Variants in KIF3A observed in about 807,000 individuals in gnomAD.
KIF3A encodes kinesin-like protein KIF3A.
In KIF3A, 27 loss-of-function variants were observed where a neutral mutation model predicts 92.6. That is an observed-to-expected ratio of 0.29 (90% CI 0.21 to 0.40). The LOEUF (loss-of-function observed/expected upper bound fraction) is 0.40. KIF3A is among the 10% of genes least tolerant of loss of function. The probability of loss-of-function intolerance (pLI) is 1.00; values close to 1 mark genes in which losing one functional copy is unlikely to be tolerated. For missense variants in KIF3A, 581 were observed against 872.6 expected (o/e 0.67, Z 4.21); for synonymous variants, 250 against 275.4 (o/e 0.91, Z 0.92).
chr5:132,723,214 G>C (rs1484631672), intron 4 of KIF3A: 2 of 152,096 alleles, frequency 1.3e-5, no homozygotes, highest in Admixed American at 1.3e-4. Flanking sequence ...CGTGAAAATG[G>C]CCATACTGCC....
rs146302518 is a variant in KIF3A, at chr5:132,722,770, T to A, written c.511-2056A>T. Among the ~76,000 whole-genome samples, 598 of 152,310 alleles carry A rather than the reference T, an allele frequency of 3.9e-3. 5 individuals carry two copies. The highest frequency in any genetic ancestry group is 0.013 in the African/African-American group (524 of 41,574). On this transcript the variant is annotated intron_variant, in intron 4 of 18. Coordinates refer to ENST00000403231, the MANE Select transcript of KIF3A (RefSeq NM_001300791.2). ...AACTCTACCAAGAGCTAGTCACTAT[T>A]GTAAAAGACCATGTCATTGGCAATA... is the stretch of plus-strand genomic sequence containing the variant.
intron 6 of KIF3A, 89 bp from the exon 7 acceptor site, chr5:132,716,531 G>T: frequency 9.2e-7 from 1 of 1,089,676 alleles, no homozygotes; most frequent in Non-Finnish European, 1.3e-6. Flanking sequence ...TAATGTAACA[G>T]TAAAAAACCT....
chr5:132,701,502 C>CAAAA (rs5871462), intron 15 of KIF3A, among the ~76,000 whole-genome samples: 27 of 101,074 alleles, frequency 2.7e-4, no homozygotes, highest in East Asian at 2.5e-4. Context: ...GTCTCCCTGA[C>CAAAA]AAAAAAAAAA....
At position 132,710,023 on chromosome 5, in the gene KIF3A, AT is replaced by A. The variant is rs779535309; in HGVS notation, c.1228+935del. Reference sequence around the variant, plus strand: ...GCACCAGCTTGAAAACAATGACCACATTAATGGAAGAGAGTTCTGAAATAAA... The same window carrying A: ...GCACCAGCTTGAAAACAATGACCACATAATGGAAGAGAGTTCTGAAATAAA... On this transcript the variant is annotated intron_variant, in intron 9 of 18. Coordinates refer to ENST00000403231, the MANE Select transcript of KIF3A (RefSeq NM_001300791.2). Among the ~76,000 whole-genome samples, 129 of 152,202 alleles carry A rather than the reference AT, an allele frequency of 8.5e-4. 1 individual carries two copies. The highest frequency in any genetic ancestry group is 1.3e-3 in the Non-Finnish European group (86 of 68,032).
chr5:132,720,101 C>T (rs113664659), intron 5 of KIF3A, among the ~76,000 whole-genome samples: 1 of 152,070 alleles, frequency 6.6e-6, no homozygotes, highest in East Asian at 1.9e-4. Context: ...TTCAGCCTCC[C>T]GAGTTGCTGG....
At chr5:132,692,590 C>A (rs780293236), downstream of KIF3A, 1 of 152,308 alleles carries the variant, frequency 6.6e-6, no homozygotes, top group Admixed American at 6.5e-5. Context: ...GAAGTAACCA[C>A]AAAGATAGTT....
rs925630163 is a variant in KIF3A at position 132,699,820 on chromosome 5, C to G, written c.2007+396G>C. Among the ~76,000 whole-genome samples the G allele has an allele frequency of 5.3e-5, 8 of 152,106 alleles. No individual in the cohort carries two copies. The East Asian group carries it at 1.5e-3, about 29-fold the overall frequency. ...CTCGTGATCCACCCGCCTCGGCCTC[C>G]CAAAGTGCTGGGATTACAGGCGTGA... On this transcript the variant is annotated intron_variant, in intron 17 of 18. Transcript: ENST00000403231.
At chr5:132,725,475 TTAAG>T (rs1195735247) in intron 4 of KIF3A, among the ~76,000 whole-genome samples, 8 of 152,144 alleles carry the variant, frequency 5.3e-5, no homozygotes, top group Non-Finnish European at 1.2e-4. Flanking sequence ...CTCACAGAGA[TTAAG>T]TAACTTGCTC....
intron 9 of KIF3A, 112 bp from the exon 10 acceptor site, chr5:132,709,090 T>A: frequency 3.6e-6 from 3 of 823,410 alleles, no homozygotes; most frequent in Non-Finnish European, 5.8e-6. Context: ...TAAAGGACAA[T>A]CAAGCTTTGT....
intron 2 of KIF3A, among the ~76,000 whole-genome samples, chr5:132,729,581 A>C (rs762507401): frequency 6.6e-5 from 10 of 152,270 alleles, no homozygotes; most frequent in Non-Finnish European, 1.5e-4. Context: ...ATTAAATTAG[A>C]AACCAATAAC....
intron 5 of KIF3A, among the ~76,000 whole-genome samples, chr5:132,719,635 G>A (rs575372529): frequency 2.3e-4 from 35 of 151,960 alleles, no homozygotes; most frequent in Non-Finnish European, 3.7e-4. Flanking sequence ...GGGATTACAG[G>A]CACCCACCAC....
chr5:132,690,028 G>C (rs1372964974), downstream of KIF3A, among the ~76,000 whole-genome samples: 1 of 152,112 alleles, frequency 6.6e-6, no homozygotes, highest in Non-Finnish European at 1.5e-5. Context: ...AACCAGCCTG[G>C]CCAATATGGT....
At chr5:132,731,316 C>A (rs1437115871) in intron 2 of KIF3A, among the ~76,000 whole-genome samples, 1 of 152,036 alleles carries the variant, frequency 6.6e-6, no homozygotes, top group African/African-American at 2.4e-5. Flanking sequence ...CAGAATAATG[C>A]ATCATGACCA....
chr5:132,710,738 C>A (rs1753391935), intron 9 of KIF3A, among the ~76,000 whole-genome samples: 2 of 152,118 alleles, frequency 1.3e-5, no homozygotes, highest in Non-Finnish European at 2.9e-5. Context: ...TAGAGTCTTA[C>A]AATTCTAAAT....
rs375983446 is a variant in KIF3A at position 132,737,498 on chromosome 5, C to T, written c.-79G>A. The T allele has an allele frequency of 2.0e-6, 3 of 1,534,498 alleles. No homozygotes were observed. The highest frequency in any genetic ancestry group is 2.7e-6 in the Non-Finnish European group (3 of 1,123,718). On this transcript the variant is annotated 5_prime_UTR_variant, in exon 1 of 19. Transcript: ENST00000403231. ...ACACCGGGTGCGCAGAAAGGATGGC[C>T]AGAGACTACCGAAACACCTCGTTGA...
At chr5:132,704,321 C>T (rs965989106) in intron 11 of KIF3A, among the ~76,000 whole-genome samples, 1 of 151,830 alleles carries the variant, frequency 6.6e-6, no homozygotes, top group Non-Finnish European at 1.5e-5. Flanking sequence ...ACTAAAGGAA[C>T]AACTAAAATA....
At chr5:132,734,117 T>A (rs947906900) in intron 2 of KIF3A, 88 bp downstream of exon 2, 2 of 1,047,484 alleles carry the variant, frequency 1.9e-6, no homozygotes, top group African/African-American at 3.2e-5. Context: ...ACTACACTCA[T>A]CAAACTGCAC....
intron 2 of KIF3A, among the ~76,000 whole-genome samples, chr5:132,730,911 C>T (rs1561713667): frequency 6.6e-6 from 1 of 152,204 alleles, no homozygotes; most frequent in East Asian, 1.9e-4. Flanking sequence ...GTCGAGGCTG[C>T]AGTGAGCTGT....
chr5:132,689,801 G>T (rs897968891), downstream of KIF3A: 9 of 152,104 alleles, frequency 5.9e-5, no homozygotes, highest in African/African-American at 2.2e-4. Flanking sequence ...TGCCAGGGCA[G>T]GCCTTTAATT....
Sources: gnomAD v4.1 joint callset for allele counts (sites outside exome capture counted in the v4.1 genomes callset) on GRCh38, gnomAD v4.1.1 for gene constraint, MANE v1.5 for transcripts, NCBI Gene and HGNC (gene_info 2026-07-23, HGNC 2026-07-21) for gene names.